The following CCDC81 variants were observed in gnomAD, a reference collection of about 807,000 sequenced individuals.
CCDC81 encodes coiled-coil domain-containing protein 81.
CCDC81 carries 79 observed loss-of-function variants against 83.7 expected under a neutral mutation model. The observed-to-expected ratio is 0.94, with a 90% CI of 0.79 to 1.14. The LOEUF (loss-of-function observed/expected upper bound fraction) is 1.14, where lower values mean the gene tolerates loss of function less well. Among genes scored for constraint, CCDC81 ranks in the 50% most tolerant of loss-of-function variants. The pLI, the probability that CCDC81 is intolerant of heterozygous loss-of-function variation, is 0.00. For synonymous variants in CCDC81, 252 were observed against 278.1 expected (o/e 0.91, Z 0.93); for missense variants, 791 against 778.1 (o/e 1.02, Z -0.20).
intron 11 of CCDC81, 182 bp from the exon 12 acceptor site, chr11:86,414,607 G>A (rs939044757): frequency 5.9e-5 from 33 of 560,938 alleles, no homozygotes; most frequent in African/African-American, 2.3e-4. Flanking sequence ...GTGCCTGGCC[G>A]CCTATGGATT....
At chr11:86,401,503 T>G (rs1174936460) in intron 7 of CCDC81, among the ~76,000 whole-genome samples, 1 of 152,204 alleles carries the variant, frequency 6.6e-6, no homozygotes, top group Non-Finnish European at 1.5e-5. Context: ...AAAGTCATGT[T>G]AAAAACTCTA....
intron 1 of CCDC81, among the ~76,000 whole-genome samples, chr11:86,376,477 G>A (rs1255160485): frequency 6.6e-6 from 1 of 152,062 alleles, no homozygotes; most frequent in Non-Finnish European, 1.5e-5. Flanking sequence ...TTACATGACG[G>A]CAGGAGAGAG....
At chr11:86,418,729 G>A (rs1464856455) in intron 13 of CCDC81, among the ~76,000 whole-genome samples, 1 of 152,198 alleles carries the variant, frequency 6.6e-6, no homozygotes, top group African/African-American at 2.4e-5. Flanking sequence ...AGGCAGAAAT[G>A]GGGAGTTGTT....
At chr11:86,409,774 G>A (rs1039153281) in intron 10 of CCDC81, among the ~76,000 whole-genome samples, 64 of 152,052 alleles carry the variant, frequency 4.2e-4, no homozygotes, top group African/African-American at 1.4e-3. Context: ...TTTAAGCAGC[G>A]GAGTTGAAAA....
At chr11:86,421,719 C>T (rs1948793628) in intron 14 of CCDC81, among the ~76,000 whole-genome samples, 1 of 152,110 alleles carries the variant, frequency 6.6e-6, no homozygotes, top group African/African-American at 2.4e-5. Context: ...AAGTTTGAGA[C>T]CAGCCTGAGC....
chr11:86,400,529 A>C, intron 6 of CCDC81, 149 bp from the exon 7 acceptor site: 1 of 780,832 alleles, frequency 1.3e-6, no homozygotes, highest in Non-Finnish European at 1.9e-6. Flanking sequence ...TACAGCAAAA[A>C]CATTTTTTTA....
intron 14 of CCDC81, among the ~76,000 whole-genome samples, chr11:86,420,332 C>A (rs565415390): frequency 2.6e-5 from 4 of 152,218 alleles, no homozygotes; most frequent in Admixed American, 2.0e-4. Context: ...AGTGAAGATT[C>A]TCTTTGGAAA....
At chr11:86,399,906 T>C (rs2138519743) in intron 6 of CCDC81, among the ~76,000 whole-genome samples, 1 of 151,632 alleles carries the variant, frequency 6.6e-6, no homozygotes, top group South Asian at 2.1e-4. Context: ...GTGGATCACC[T>C]GAGGTCAGGA....
At chr11:86,412,871 C>T (rs1199395930) in intron 11 of CCDC81, among the ~76,000 whole-genome samples, 1 of 152,244 alleles carries the variant, frequency 6.6e-6, no homozygotes, top group African/African-American at 2.4e-5. Flanking sequence ...GCTCCTGAAG[C>T]CCCAGTGGGC....
At chr11:86,381,610 G>T (rs928411435) in intron 1 of CCDC81, among the ~76,000 whole-genome samples, 1 of 152,188 alleles carries the variant, frequency 6.6e-6, no homozygotes, top group African/African-American at 2.4e-5. Flanking sequence ...GTTTCAGGAA[G>T]CCATTCCTCC....
intron 1 of CCDC81, among the ~76,000 whole-genome samples, 156 bp downstream of exon 1, chr11:86,375,398 C>T (rs558466680): frequency 6.6e-6 from 1 of 152,266 alleles, no homozygotes; most frequent in Admixed American, 6.5e-5. Flanking sequence ...ATCCTGCCCA[C>T]GTTGGACGCC....
At position 86,397,701 on chromosome 11, in the gene CCDC81, G is replaced by A. The variant is rs1948426810; in HGVS notation, c.716G>A (p.Cys239Tyr). The change falls in exon 6 of 15, where the codon TGC (cysteine) becomes TAC (tyrosine). Residue 239 changes from cysteine to tyrosine, a missense_variant. By Grantham distance (194) the Cys-to-Tyr change is radical. Coordinates refer to ENST00000445632, the MANE Select transcript of CCDC81 (RefSeq NM_001156474.2). ...TGTGGAGAGAATAGAGAAAGGAAGT[G>A]CAAGTTAAAAGACCAGTCAGACAAA... ...EECGENRERK[C>Y]KLKDQSDKEE... is the part of the protein sequence containing the mutation. 1 of 1,613,728 alleles carries A rather than the reference G, an allele frequency of 6.2e-7. No homozygotes were observed. The highest frequency in any genetic ancestry group is 1.3e-5 in the African/African-American group (1 of 74,900).
Position 86,422,958 on chromosome 11 carries a change from C to A in CCDC81, c.*243C>A. The A allele has an allele frequency of 2.3e-6, 1 of 429,046 alleles. No homozygotes were observed. The allele number at this position is 429,046 out of a possible 1,614,324, so 26.6% of individuals were successfully genotyped here. On this transcript the variant is annotated 3_prime_UTR_variant, in exon 15 of 15. Coordinates refer to ENST00000445632, the MANE Select transcript of CCDC81 (RefSeq NM_001156474.2). ...TCTGAATGGTCCTGAGGGCTAGAAC[C>A]TGCTGCACAGGGGCTGGGAATGGGA...
rs972448621 is a variant in CCDC81, at chr11:86,397,623, T to C, written c.638T>C (p.Ile213Thr). 5.6e-6 allele frequency: 9 copies of C among 1,611,336 alleles called. No homozygotes were observed. Among genetic ancestry groups the C allele is most frequent in the South Asian group, 2.2e-5 (2 of 90,652 alleles). Residue 213 changes from isoleucine (I) to threonine (T), a missense_variant and splice_region_variant, in exon 6 of 15, where the codon ATT becomes ACT. Transcript: ENST00000445632. ...WPSSVLAFPR[I>T]ELKEMENKLP... ...AAAACATATTGGCTCATTCCTAGGA[T>C]TGAGCTCAAGGAGATGGAAAACAAA...
At chr11:86,407,443 T>C (rs939600735) in intron 7 of CCDC81, among the ~76,000 whole-genome samples, 171 bp from the exon 8 acceptor site, 3 of 152,210 alleles carry the variant, frequency 2.0e-5, no homozygotes, top group Non-Finnish European at 4.4e-5. Context: ...CCCACCTTTA[T>C]CTGACACAAA....
chr11:86,409,235 A>C (rs1173024709), intron 9 of CCDC81, 26 bp from the exon 10 acceptor site: 1 of 1,170,356 alleles, frequency 8.5e-7, no homozygotes, highest in Non-Finnish European at 1.2e-6. Context: ...ATTTAAAAAT[A>C]AACTTTTTTT....
At chr11:86,414,526 C>T (rs574756832) in intron 11 of CCDC81, 10 of 332,852 alleles carry the variant, frequency 3.0e-5, no homozygotes, top group African/African-American at 8.6e-5. Context: ...AGGTTGGTCT[C>T]GGACTCCTGA....
intron 1 of CCDC81, among the ~76,000 whole-genome samples, chr11:86,379,200 C>G (rs1428550426): frequency 6.6e-6 from 1 of 151,742 alleles, no homozygotes; most frequent in African/African-American, 2.4e-5. Context: ...GGGTTCATGC[C>G]ATTCTCCTGC....
chr11:86,400,706 T>C lies in CCDC81; in HGVS notation c.786T>C (p.Asp262=), dbSNP rs369937124. ...TCTCATCACCCAAAAGACTTCGAGA[T>C]AGACAAGCTTTGTTCCCTGCCAAAG... is the stretch of plus-strand genomic sequence containing the variant. The part of the protein sequence containing the change: ...RDISSPKRLR[D]RQALFPAKVT... The change falls in exon 7 of 15, where the codon GAT becomes GAC. Residue 262 remains aspartate, a synonymous_variant. Coordinates refer to ENST00000445632, the MANE Select transcript of CCDC81 (RefSeq NM_001156474.2). 2.9e-5 allele frequency: 47 copies of C among 1,612,166 alleles called. No homozygotes were observed. The highest frequency in any genetic ancestry group is 1.0e-4 in the Admixed American group (6 of 59,978).
Sources: allele counts gnomAD v4.1 joint callset (sites outside exome capture counted in the v4.1 genomes callset), GRCh38; gene constraint gnomAD v4.1.1; transcripts MANE v1.5; gene names NCBI Gene and HGNC (gene_info 2026-07-23, HGNC 2026-07-21).